The following SHQ1 variants were observed in gnomAD, a reference collection of about 807,000 sequenced individuals.
SHQ1 encodes SHQ1, H/ACA ribonucleoprotein assembly factor, also known as protein SHQ1 homolog.
SHQ1 carries 49 observed loss-of-function variants against 53.8 expected under a neutral mutation model. The observed-to-expected ratio is 0.91, with a 90% confidence interval of 0.72 to 1.16. SHQ1 has a LOEUF of 1.16. Ranked by LOEUF, SHQ1 falls within the 50% of genes most tolerant of loss-of-function variation. The probability of loss-of-function intolerance (pLI) is 0.00; values close to 1 mark genes in which losing one functional copy is unlikely to be tolerated. For missense variants in SHQ1, 738 were observed against 683.1 expected, an observed-to-expected ratio of 1.08 and a Z score of -0.90; for synonymous variants, 243 against 251.0, an observed-to-expected ratio of 0.97 and a Z score of 0.30.
the SHQ1 span, among the ~76,000 whole-genome samples, chr3:72,734,863 C>T: frequency 6.6e-6 from 1 of 151,580 alleles, no homozygotes; most frequent in Non-Finnish European, 1.5e-5. Flanking sequence ...AAGAGGAATT[C>T]TACATTTTCA....
chr3:72,806,940 C>T (rs747132938), intron 9 of SHQ1, among the ~76,000 whole-genome samples: 7 of 152,130 alleles, frequency 4.6e-5, no homozygotes, highest in Non-Finnish European at 1.0e-4. Flanking sequence ...GAACACGCTC[C>T]CCGGCTAGTG....
intron 10 of SHQ1, among the ~76,000 whole-genome samples, chr3:72,762,736 G>A (rs983298126): frequency 3.9e-5 from 6 of 152,018 alleles, no homozygotes; most frequent in South Asian, 2.1e-4. Flanking sequence ...GTGCAGTGGC[G>A]TAATCTTGGC....
intron 4 of SHQ1, among the ~76,000 whole-genome samples, chr3:72,835,487 C>T (rs916989733): frequency 1.3e-5 from 2 of 152,158 alleles, no homozygotes; most frequent in African/African-American, 4.8e-5. Context: ...ACATGTTCTG[C>T]TTCATTATTT....
At chr3:72,845,724 C>CT (rs1476622197) in intron 1 of SHQ1, among the ~76,000 whole-genome samples, 3 of 152,146 alleles carry the variant, frequency 2.0e-5, no homozygotes, top group Non-Finnish European at 4.4e-5. Flanking sequence ...AGCTTCCTTT[C>CT]TTCCCATGGC....
At chr3:72,783,772 G>T (rs912705648) in intron 10 of SHQ1, among the ~76,000 whole-genome samples, 1 of 152,096 alleles carries the variant, frequency 6.6e-6, no homozygotes, top group East Asian at 1.9e-4. Context: ...TAGAATGTTT[G>T]TATGTATTAA....
At chr3:72,786,446 T>G (rs1279837099) in intron 10 of SHQ1, among the ~76,000 whole-genome samples, 2 of 152,176 alleles carry the variant, frequency 1.3e-5, no homozygotes, top group Non-Finnish European at 2.9e-5. Flanking sequence ...TCCTATCCCT[T>G]CTGTACTATA....
intron 4 of SHQ1, among the ~76,000 whole-genome samples, chr3:72,835,439 T>C (rs1157604153): frequency 6.6e-6 from 1 of 152,116 alleles, no homozygotes; most frequent in Non-Finnish European, 1.5e-5. Context: ...CCACTTCCAT[T>C]TCCTCACTTG....
chr3:72,761,194 T>C (rs1054474822), intron 10 of SHQ1, among the ~76,000 whole-genome samples: 4 of 152,190 alleles, frequency 2.6e-5, no homozygotes, highest in African/African-American at 7.2e-5. Context: ...CTTTTAGAGA[T>C]GGAGTCTTGT....
chr3:72,777,331 G>A (rs988271333), intron 10 of SHQ1, among the ~76,000 whole-genome samples: 1 of 152,120 alleles, frequency 6.6e-6, no homozygotes, highest in Non-Finnish European at 1.5e-5. Context: ...CAGAATACTG[G>A]AAGGAATCCT....
chr3:72,801,072 T>C (rs1706771643), intron 9 of SHQ1, among the ~76,000 whole-genome samples: 1 of 151,986 alleles, frequency 6.6e-6, no homozygotes, highest in Admixed American at 6.6e-5. Flanking sequence ...AACTACATAA[T>C]GGTAACATGA....
chr3:72,744,531 C>G (rs1705222359), downstream of SHQ1, among the ~76,000 whole-genome samples: 1 of 152,196 alleles, frequency 6.6e-6, no homozygotes, highest in Non-Finnish European at 1.5e-5. Context: ...AGTCATTTAT[C>G]TGTTTGACAT....
chr3:72,746,263 C>CTGCAAAG (rs1705258462), downstream of SHQ1, among the ~76,000 whole-genome samples: 1 of 152,210 alleles, frequency 6.6e-6, no homozygotes, highest in African/African-American at 2.4e-5. Context: ...GTTTTTCCCA[C>CTGCAAAG]TGAGCTGCGA....
intron 10 of SHQ1, among the ~76,000 whole-genome samples, chr3:72,768,221 G>A (rs917510252): frequency 6.6e-6 from 1 of 152,138 alleles, no homozygotes; most frequent in Non-Finnish European, 1.5e-5. Context: ...TACACAAATC[G>A]CTGACCCTGC....
intron 10 of SHQ1, among the ~76,000 whole-genome samples, chr3:72,790,676 G>T (rs1482947965): frequency 6.6e-6 from 1 of 151,880 alleles, no homozygotes; most frequent in South Asian, 2.1e-4. Flanking sequence ...GTAAAATTAA[G>T]AATAAAACTA....
At chr3:72,793,234 A>C (rs1435356329) in intron 9 of SHQ1, 198 bp from the exon 10 acceptor site, 3 of 430,612 alleles carry the variant, frequency 7.0e-6, no homozygotes, top group Non-Finnish European at 1.2e-5. Context: ...TTGGCCAGGC[A>C]CAGTGGCTCA....
intron 6 of SHQ1, among the ~76,000 whole-genome samples, chr3:72,822,324 T>A (rs1707501089): frequency 6.6e-6 from 1 of 152,216 alleles, no homozygotes; most frequent in Non-Finnish European, 1.5e-5. Context: ...ACTATGACTG[T>A]TCCTGATGCA....
chr3:72,832,256 C>T, intron 5 of SHQ1, 113 bp downstream of exon 5: 1 of 725,612 alleles, frequency 1.4e-6, no homozygotes, highest in Non-Finnish European at 2.4e-6. Context: ...CTTCAGTCAT[C>T]AATAATTTCT....
At position 72,766,009 on chromosome 3, in the gene SHQ1, T is replaced by G. The variant is rs940695741; in HGVS notation, c.1182-15173A>C. The stretch of plus-strand genomic sequence containing the variant: ...GTAAAATATAGTGTGCTAGATGATA[T>G]AAGTGCCATGAAAAAACAACACAGA... On this transcript the variant is annotated intron_variant, in intron 10 of 10. Transcript: ENST00000325599. 1.0e-3 allele frequency among the ~76,000 whole-genome samples: 158 copies of G among 152,176 alleles called. 3 individuals are homozygous for G. Among genetic ancestry groups the G allele is most frequent in the Non-Finnish European group, 1.3e-4 (9 of 68,008 alleles).
intron 5 of SHQ1, among the ~76,000 whole-genome samples, chr3:72,824,845 C>G (rs2106900782): frequency 6.7e-6 from 1 of 149,044 alleles, no homozygotes; most frequent in East Asian, 2.0e-4. Flanking sequence ...GTCATTCAGG[C>G]TAGAGTACAG....
Sources: allele counts gnomAD v4.1 joint callset (sites outside exome capture counted in the v4.1 genomes callset), GRCh38; gene constraint gnomAD v4.1.1; transcripts MANE v1.5; gene names NCBI Gene and HGNC (gene_info 2026-07-23, HGNC 2026-07-21).